The following DIP2B variants were observed in gnomAD, a reference collection of about 807,000 sequenced individuals.
DIP2B encodes DIP2 acetate--CoA ligase B (putative).
In DIP2B, 76 loss-of-function variants were observed where a neutral mutation model predicts 198.0. That is an observed-to-expected ratio of 0.38 (90% confidence interval 0.32 to 0.46). The LOEUF is 0.46. DIP2B is among the 20% of genes least tolerant of loss of function. The pLI, the probability that DIP2B is intolerant of heterozygous loss-of-function variation, is 0.99. For synonymous variants in DIP2B, 701 were observed against 739.1 expected (o/e 0.95, Z 0.84); for missense variants, 1,559 against 1,978.4 (o/e 0.79, Z 4.02).
chr12:50,575,375 T>TG (rs1252431014), intron 1 of DIP2B, among the ~76,000 whole-genome samples: 224 of 145,038 alleles, frequency 1.5e-3, no homozygotes, highest in Admixed American at 2.8e-3. Context: ...AGGCTTGTTT[T>TG]TTTTTGTTTT....
chr12:50,505,021 G>T lies in DIP2B; in HGVS notation c.-120G>T, dbSNP rs970885292. ...GCTCATGGCGGCGGCGGCGGCGGCG[G>T]CGGTGCTGGTGGTGCTCGGCGGCCG... is the stretch of plus-strand genomic sequence containing the variant. On this transcript the variant is annotated 5_prime_UTR_variant, in exon 1 of 38. Transcript: ENST00000301180. The T allele has an allele frequency of 1.9e-6, 2 of 1,030,864 alleles. No homozygotes were observed. The highest frequency in any genetic ancestry group is 2.8e-6 in the Non-Finnish European group (2 of 713,840). The allele number at this position is 1,030,864 out of a possible 1,614,324, so 63.9% of individuals were successfully genotyped here. A position where few individuals can be genotyped will look rare whatever the true frequency, so the allele number is the denominator to read the frequency against.
rs1565852428 is a variant in DIP2B at position 50,634,222 on chromosome 12, G to A, written c.173-6502G>A. Among the ~76,000 whole-genome samples, 6 of 152,060 alleles carry A rather than the reference G, an allele frequency of 3.9e-5. No homozygotes were observed. In the South Asian group the frequency reaches 1.0e-3, roughly 26 times the overall value. ...GGCCAGGAAATTGACTCTTTCTTTT[G>A]GCGTGGCCGAAAGAATTGAAGTTTC... On this transcript the variant is annotated intron_variant, in intron 2 of 37. Transcript: ENST00000301180.
At chr12:50,547,561 G>A (rs149427589) in intron 1 of DIP2B, among the ~76,000 whole-genome samples, 31 of 152,242 alleles carry the variant, frequency 2.0e-4, no homozygotes, top group South Asian at 4.1e-4. Context: ...CTATTCTTCC[G>A]TTAAAAAAGT....
At chr12:50,711,536 G>A (rs114346663) in intron 22 of DIP2B, among the ~76,000 whole-genome samples, 2,026 of 152,108 alleles carry the variant, frequency 0.013, 48 homozygotes, top group African/African-American at 0.046. Flanking sequence ...TTATTCTTTT[G>A]CCCTTTTAAA....
intron 1 of DIP2B, among the ~76,000 whole-genome samples, chr12:50,609,212 G>A (rs921733729): frequency 5.9e-5 from 9 of 152,176 alleles, no homozygotes; most frequent in African/African-American, 2.2e-4. Context: ...CTACATAAGA[G>A]TTAAATTAGC....
chr12:50,588,136 C>CTTTTTTT (rs11447445), intron 1 of DIP2B, among the ~76,000 whole-genome samples: 1 of 149,168 alleles, frequency 6.7e-6, no homozygotes, highest in South Asian at 2.1e-4. Context: ...TACTTCTTTT[C>CTTTTTTT]TTTTTTTTTT....
intron 1 of DIP2B, among the ~76,000 whole-genome samples, chr12:50,532,087 G>A (rs995067531): frequency 6.6e-6 from 1 of 152,190 alleles, no homozygotes; most frequent in African/African-American, 2.4e-5. Flanking sequence ...CAGGATGCCA[G>A]GAATGACTCC....
intron 9 of DIP2B, among the ~76,000 whole-genome samples, chr12:50,682,186 G>T (rs1939051537): frequency 1.3e-5 from 2 of 152,116 alleles, no homozygotes; most frequent in Non-Finnish European, 1.5e-5. Flanking sequence ...TACTATAGAG[G>T]TTTCACGGTT....
At chr12:50,574,561 A>C (rs954836589) in intron 1 of DIP2B, among the ~76,000 whole-genome samples, 2 of 139,396 alleles carry the variant, frequency 1.4e-5, no homozygotes, top group African/African-American at 5.0e-5. Flanking sequence ...GAAGAAGAGC[A>C]TGAACAGACT....
intron 3 of DIP2B, among the ~76,000 whole-genome samples, chr12:50,650,579 C>T (rs1938436357): frequency 6.6e-6 from 1 of 152,156 alleles, no homozygotes; most frequent in Non-Finnish European, 1.5e-5. Context: ...TTGTGATTGG[C>T]TTATTTTACT....
At chr12:50,615,524 G>A (rs1392147633) in intron 1 of DIP2B, among the ~76,000 whole-genome samples, 1 of 152,124 alleles carries the variant, frequency 6.6e-6, no homozygotes, top group Non-Finnish European at 1.5e-5. Context: ...GCACTGTGGA[G>A]CAACTTTAGT....
chr12:50,742,394 C>CAAAAAAAAAAAAAAA lies in DIP2B; in HGVS notation c.4478+869_4478+883dup, dbSNP rs59566626. 9.5e-4 allele frequency among the ~76,000 whole-genome samples: 45 copies of CAAAAAAAAAAAAAAA among 47,468 alleles called. 4 individuals carry two copies. The highest frequency in any genetic ancestry group is 1.3e-3 in the Non-Finnish European group (37 of 29,560). The allele number at this position is 47,468 out of a possible 152,430, so 31.1% of individuals were successfully genotyped here. ...CCCTGGTGACAGACTGAGACTGTCT[C>CAAAAAAAAAAAAAAA]AAAAAAAAAAAAAAAAAAAAAAAAA... On this transcript the variant is annotated intron_variant, in intron 37 of 37. Transcript: ENST00000301180.
At chr12:50,686,236 G>A (rs955710422) in intron 11 of DIP2B, among the ~76,000 whole-genome samples, 1 of 152,068 alleles carries the variant, frequency 6.6e-6, no homozygotes, top group Non-Finnish European at 1.5e-5. Flanking sequence ...CCTTTATGCC[G>A]ATGGTTGGAA....
In DIP2B at chr12:50,718,964, C is replaced by G; in HGVS notation, c.2971C>G (p.Leu991Val). 1 of 1,614,202 alleles carries G rather than the reference C, an allele frequency of 6.2e-7. No homozygotes were observed. Among genetic ancestry groups the G allele is most frequent in the East Asian group, 2.2e-5 (1 of 44,878 alleles). ...TGGTTTATGACTTCAGCACCAGTTTCTGGCAGAGATCCTACAGTGGCGAGC... is the reference window on the plus strand; with the variant it reads ...TGGTTTATGACTTCAGCACCAGTTTGTGGCAGAGATCCTACAGTGGCGAGC... Reference protein sequence around the residue: ...ENDLVRKHQFLAEILQWRAQA... With the variant: ...ENDLVRKHQFVAEILQWRAQA... Residue 991 changes from leucine to valine, a missense_variant, in exon 25 of 38, where the codon CTG (leucine) becomes GTG (valine). Coordinates refer to ENST00000301180, the MANE Select transcript of DIP2B (RefSeq NM_173602.3).
intron 8 of DIP2B, 45 bp from the exon 9 acceptor site, chr12:50,680,626 GT>G (rs201156743): frequency 1.2e-5 from 18 of 1,469,960 alleles, no homozygotes; most frequent in Middle Eastern, 1.9e-4. Flanking sequence ...AGGTAGACCT[GT>G]TTTTTTTTCT....
At chr12:50,725,105 G>A (rs1939907915) in intron 28 of DIP2B, among the ~76,000 whole-genome samples, 1 of 152,132 alleles carries the variant, frequency 6.6e-6, no homozygotes, top group African/African-American at 2.4e-5. Flanking sequence ...AAACAAAATT[G>A]TTTTGCTGTT....
chr12:50,670,815 A>C (rs1350439267), intron 4 of DIP2B, among the ~76,000 whole-genome samples: 2 of 152,260 alleles, frequency 1.3e-5, no homozygotes, highest in African/African-American at 2.4e-5. Context: ...CAATGTAGCA[A>C]CATACCACAA....
At chr12:50,550,063 T>G (rs1010951429) in intron 1 of DIP2B, among the ~76,000 whole-genome samples, 1 of 152,190 alleles carries the variant, frequency 6.6e-6, no homozygotes, top group Non-Finnish European at 1.5e-5. Flanking sequence ...GTATTCCTGC[T>G]TTAACCAGCG....
At chr12:50,573,892 A>G (rs1958636163) in intron 1 of DIP2B, among the ~76,000 whole-genome samples, 1 of 152,232 alleles carries the variant, frequency 6.6e-6, no homozygotes, top group Admixed American at 6.5e-5. Context: ...ATATTTATGA[A>G]TCATATTTAA....
Sources: allele counts gnomAD v4.1 joint callset (sites outside exome capture counted in the v4.1 genomes callset), GRCh38; gene constraint gnomAD v4.1.1; transcripts MANE v1.5; gene names NCBI Gene and HGNC (gene_info 2026-07-23, HGNC 2026-07-21).